Variants in KCNK15 observed in about 807,000 individuals in gnomAD.
The protein encoded by KCNK15 is potassium channel subfamily K member 15.
KCNK15 carries 9 observed loss-of-function variants against 8.5 expected under a neutral mutation model. The observed-to-expected ratio is 1.06, with a 90% confidence interval of 0.64 to 1.85. The LOEUF (loss-of-function observed/expected upper bound fraction) is 1.85, where lower values mean the gene tolerates loss of function less well. Ranked by LOEUF, KCNK15 falls within the 40% of genes most tolerant of loss-of-function variation. The probability of loss-of-function intolerance (pLI) is 0.00; values close to 1 mark genes in which losing one functional copy is unlikely to be tolerated. For synonymous variants in KCNK15, 224 were observed against 232.7 expected, an observed-to-expected ratio of 0.96 and a Z score of 0.34; for missense variants, 467 against 476.8, an observed-to-expected ratio of 0.98 and a Z score of 0.19.
At position 44,748,991 on chromosome 20, in the gene KCNK15, T is replaced by C. The variant is rs115735343; in HGVS notation, c.284-1138T>C. 7.5e-4 allele frequency among the ~76,000 whole-genome samples: 115 copies of C among 152,348 alleles called. 1 individual carries two copies. The Middle Eastern group carries it at 0.01, about 14-fold the overall frequency. On this transcript the variant is annotated intron_variant, in intron 1 of 1. Coordinates refer to ENST00000372861, the MANE Select transcript of KCNK15 (RefSeq NM_022358.4). ...CCATGGTTTGGATGGCACTATAATTTATTTAACCAGGCCCCTTTGGATGGA... is the reference window on the plus strand; with the variant it reads ...CCATGGTTTGGATGGCACTATAATTCATTTAACCAGGCCCCTTTGGATGGA...
rs751135366 is a variant in KCNK15 at position 44,750,342 on chromosome 20, C to G, written c.497C>G (p.Ala166Gly). The G allele has an allele frequency of 1.9e-6, 3 of 1,611,910 alleles. No homozygotes were observed. In the South Asian group the frequency reaches 3.3e-5, roughly 18 times the overall value. The change falls in exon 2 of 2, where the codon GCG (alanine) becomes GGG (glycine). Residue 166 changes from alanine (A) to glycine (G), a missense_variant. By Grantham distance (60) the Ala-to-Gly change is moderately conservative (BLOSUM62 0). Coordinates refer to ENST00000372861, the MANE Select transcript of KCNK15 (RefSeq NM_022358.4). ...AACCTGGTGGTGGCCGGGCTGCTGG[C>G]GTGTGCCGCCACCCTGGCCCTCGGG... ...TENLVVAGLL[A>G]CAATLALGAV...
At chr20:44,747,965 G>C (rs1413616779) in intron 1 of KCNK15, among the ~76,000 whole-genome samples, 5 of 152,144 alleles carry the variant, frequency 3.3e-5, no homozygotes, top group Admixed American at 6.5e-5. Flanking sequence ...GTGGCCTTTG[G>C]GCAGTTTTGT....
Position 44,750,877 on chromosome 20 carries a change from G to C in KCNK15, c.*39G>C. ...GCCAGGGTCGAATCTGGAATGGGAG[G>C]GTCTGGCTTCAGCTATCAGGGCACC... On this transcript the variant is annotated 3_prime_UTR_variant, in exon 2 of 2. Transcript: ENST00000372861. 7.7e-7 allele frequency: 1 copy of C among 1,294,236 alleles called. No homozygotes were observed. The allele number at this position is 1,294,236 out of a possible 1,614,324, so 80.2% of individuals were successfully genotyped here.
intron 1 of KCNK15, among the ~76,000 whole-genome samples, chr20:44,747,924 T>C (rs1225443118): frequency 2.0e-5 from 3 of 151,934 alleles, no homozygotes; most frequent in African/African-American, 7.3e-5. Context: ...AGCTCAGGCC[T>C]GTGGAGGGTG....
At chr20:44,747,528 G>C (rs1402679863) in intron 1 of KCNK15, among the ~76,000 whole-genome samples, 2 of 152,216 alleles carry the variant, frequency 1.3e-5, no homozygotes, top group Non-Finnish European at 2.9e-5. Context: ...CCACTGGTCT[G>C]GGATGCCATC....
rs770565509 is a variant in KCNK15 at position 44,746,143 on chromosome 20, G to A, written c.233G>A (p.Trp78Ter). 7.0e-7 allele frequency: 1 copy of A among 1,421,362 alleles called. No individual in the cohort carries two copies. Among genetic ancestry groups the A allele is most frequent in the South Asian group, 1.5e-5 (1 of 65,064 alleles). 88.0% of individuals were successfully genotyped at this position (1,421,362 alleles called of 1,614,324 possible). A position where few individuals can be genotyped will look rare whatever the true frequency, so the allele number is the denominator to read the frequency against. Residue 78 changes from tryptophan to a stop codon, truncating the protein, a stop_gained, in exon 1 of 2, where the codon TGG becomes TAG. Coordinates refer to ENST00000372861, the MANE Select transcript of KCNK15 (RefSeq NM_022358.4). LOFTEE classifies it low-confidence loss of function (END_TRUNC). ...QAEPHRAGRQ[W>*]KFPGSFYFAI... ...GAGCCCCACCGCGCCGGCCGCCAGT[G>A]GAAGTTCCCCGGCTCCTTCTACTTC...
rs751209081 is a variant in KCNK15 at position 44,746,080 on chromosome 20, AGG to A, written c.171_172del (p.Asp58LeufsTer12). ...CGGAGGAAGTTCGGCTTCTCGGCCG[AGG>A]ACTACCGCGAGCTGGAGCGCCTGGC... On this transcript the variant is annotated frameshift_variant, in exon 1 of 2. Coordinates refer to ENST00000372861, the MANE Select transcript of KCNK15 (RefSeq NM_022358.4). LOFTEE classifies it high-confidence loss of function. 551 of 1,545,652 alleles carry A rather than the reference AGG, an allele frequency of 3.6e-4. No homozygotes were observed. Among genetic ancestry groups the A allele is most frequent in the Non-Finnish European group, 4.5e-4 (518 of 1,144,266 alleles).
At position 44,745,915 on chromosome 20, in the gene KCNK15, G is replaced by A. The variant is rs761397260; in HGVS notation, c.5G>A (p.Arg2Gln). 9 of 1,318,178 alleles carry A rather than the reference G, an allele frequency of 6.8e-6. No individual in the cohort carries two copies. Among genetic ancestry groups the A allele is most frequent in the South Asian group, 4.6e-5 (2 of 43,034 alleles). The allele number at this position is 1,318,178 out of a possible 1,614,324, so 81.7% of individuals were successfully genotyped here. A position where few individuals can be genotyped will look rare whatever the true frequency, so the allele number is the denominator to read the frequency against. MRRPSVRAAGLV... is the reference protein window; with the variant it reads MQRPSVRAAGLV... ...GGGTACCGGGGCCGGGGCGCCATGC[G>A]GAGGCCGAGCGTGCGCGCGGCCGGG... The change falls in exon 1 of 2, where the codon CGG (arginine) becomes CAG (glutamine). Residue 2 changes from arginine (R) to glutamine (Q), a missense_variant. Arg to Gln is a conservative substitution (Grantham distance 43). Around this residue, in one of 2 missense-constraint regions of KCNK15, gnomAD observed 12 missense variants for 35.6 expected, o/e 0.34. Coordinates refer to ENST00000372861, the MANE Select transcript of KCNK15 (RefSeq NM_022358.4).
chr20:44,750,695 G>A lies in KCNK15; in HGVS notation c.850G>A (p.Val284Met). The change falls in exon 2 of 2, where the codon GTG becomes ATG. Residue 284 changes from valine to methionine, a missense_variant. Physicochemically the swap from Val to Met is conservative, Grantham distance 21 (BLOSUM62 1). Transcript: ENST00000372861. ...LWLPRRPARSVGSASVFCHVH... is the reference protein window; with the variant it reads ...LWLPRRPARSMGSASVFCHVH... ...GCTGCCCCGCCGCCCGGCCCGCTCCGTGGGCTCCGCCTCTGTCTTCTGCCA... is the reference window on the plus strand; with the variant it reads ...GCTGCCCCGCCGCCCGGCCCGCTCCATGGGCTCCGCCTCTGTCTTCTGCCA... 1.3e-6 allele frequency: 2 copies of A among 1,495,648 alleles called. No individual in the cohort carries two copies. Among genetic ancestry groups the A allele is most frequent in the Non-Finnish European group, 1.8e-6 (2 of 1,129,734 alleles). 92.6% of individuals were successfully genotyped at this position (1,495,648 alleles called of 1,614,324 possible).
Position 44,750,225 on chromosome 20 carries a change from G to A in KCNK15, c.380G>A (p.Ser127Asn). The A allele has an allele frequency of 6.2e-7, 1 of 1,609,234 alleles. No individual in the cohort carries two copies. The highest frequency in any genetic ancestry group is 8.5e-7 in the Non-Finnish European group (1 of 1,178,322). Residue 127 changes from serine to asparagine, a missense_variant, in exon 2 of 2, where the codon AGC becomes AAC. This residue lies in a region of KCNK15 where 455 missense variants were observed against 441.2 expected (regional missense o/e 1.03). Coordinates refer to ENST00000372861, the MANE Select transcript of KCNK15 (RefSeq NM_022358.4). ...CCGCTGACGCTGGTCACTTTCCAGAGCCTGGGCGAACGGCTGAACGCGGTG... is the reference window on the plus strand; with the variant it reads ...CCGCTGACGCTGGTCACTTTCCAGAACCTGGGCGAACGGCTGAACGCGGTG... ...GIPLTLVTFQ[S>N]LGERLNAVVR...
chr20:44,750,228 T>C lies in KCNK15; in HGVS notation c.383T>C (p.Leu128Pro), dbSNP rs530172451. The change falls in exon 2 of 2, where the codon CTG becomes CCG. Residue 128 changes from leucine (L) to proline (P), a missense_variant. Physicochemically the swap from Leu to Pro is moderately conservative, Grantham distance 98 (BLOSUM62 -3). This residue lies in a region of KCNK15 where 455 missense variants were observed against 441.2 expected (regional missense o/e 1.03). Coordinates refer to ENST00000372861, the MANE Select transcript of KCNK15 (RefSeq NM_022358.4). ...IPLTLVTFQS[L>P]GERLNAVVRR... ...CTGACGCTGGTCACTTTCCAGAGCC[T>C]GGGCGAACGGCTGAACGCGGTGGTG... The C allele has an allele frequency of 2.2e-5, 36 of 1,611,706 alleles. No homozygotes were observed. The South Asian group carries it at 4.0e-4, about 18-fold the overall frequency.
At chr20:44,748,522 C>G (rs2066016408) in intron 1 of KCNK15, among the ~76,000 whole-genome samples, 2 of 152,204 alleles carry the variant, frequency 1.3e-5, no homozygotes, top group East Asian at 1.9e-4. Context: ...CTCCCTCCCA[C>G]CCTGTCTCTC....
At chr20:44,748,239 GCTTC>G (rs2066015587) in intron 1 of KCNK15, among the ~76,000 whole-genome samples, 1 of 152,074 alleles carries the variant, frequency 6.6e-6, no homozygotes, top group South Asian at 2.1e-4. Flanking sequence ...CTCTCATTGA[GCTTC>G]TGGTCTACGT....
At chr20:44,746,658 A>T (rs373935777) in intron 1 of KCNK15, 1 of 155,836 alleles carries the variant, frequency 6.4e-6, no homozygotes, top group Non-Finnish European at 1.4e-5. Flanking sequence ...GGTGAGAGTT[A>T]TTATTCAGGA....
chr20:44,750,892 A>C lies in KCNK15; in HGVS notation c.*54A>C, dbSNP rs2066028972. On this transcript the variant is annotated 3_prime_UTR_variant, in exon 2 of 2. Transcript: ENST00000372861. ...GGAATGGGAGGGTCTGGCTTCAGCT[A>C]TCAGGGCACCCTCCCCAGGGATTGG... 8.3e-7 allele frequency: 1 copy of C among 1,203,704 alleles called. No homozygotes were observed. Among genetic ancestry groups the C allele is most frequent in the Non-Finnish European group, 1.1e-6 (1 of 930,574 alleles). 74.6% of individuals were successfully genotyped at this position (1,203,704 alleles called of 1,614,324 possible).
intron 1 of KCNK15, among the ~76,000 whole-genome samples, chr20:44,749,599 T>C (rs2145435724): frequency 6.6e-6 from 1 of 152,240 alleles, no homozygotes; most frequent in East Asian, 1.9e-4. Context: ...CATTTTCCTG[T>C]GTACACTCCT....
At chr20:44,749,409 C>T (rs1477031050) in intron 1 of KCNK15, among the ~76,000 whole-genome samples, 13 of 152,122 alleles carry the variant, frequency 8.5e-5, no homozygotes, top group Non-Finnish European at 1.5e-5. Flanking sequence ...CCACGCCAGA[C>T]AATCAGAACC....
rs183287561 is a variant in KCNK15, at chr20:44,746,129, C to T, written c.219C>T (p.Arg73=). The part of the protein sequence containing the change: ...ERLALQAEPH[R]AGRQWKFPGS... ...TGGCGCTCCAGGCTGAGCCCCACCG[C>T]GCCGGCCGCCAGTGGAAGTTCCCCG... Residue 73 remains arginine (R), a synonymous_variant, in exon 1 of 2, where the codon CGC becomes CGT. Coordinates refer to ENST00000372861, the MANE Select transcript of KCNK15 (RefSeq NM_022358.4). 8,542 of 1,430,804 alleles carry T rather than the reference C, an allele frequency of 6.0e-3. 44 individuals are homozygous for T. The highest frequency in any genetic ancestry group is 6.9e-3 in the Non-Finnish European group (7,478 of 1,085,356). The allele number at this position is 1,430,804 out of a possible 1,614,324, so 88.6% of individuals were successfully genotyped here.
At position 44,745,903 on chromosome 20, in the gene KCNK15, G is replaced by T. The variant is rs1160051106; in HGVS notation, c.-8G>T. On this transcript the variant is annotated 5_prime_UTR_variant, in exon 1 of 2. Coordinates refer to ENST00000372861, the MANE Select transcript of KCNK15 (RefSeq NM_022358.4). ...TGGGACCGCGGCGGGTACCGGGGCC[G>T]GGGCGCCATGCGGAGGCCGAGCGTG... The T allele has an allele frequency of 3.8e-6, 5 of 1,299,252 alleles. No individual in the cohort carries two copies. In the East Asian group the frequency reaches 1.2e-4, roughly 31 times the overall value. 80.5% of individuals were successfully genotyped at this position (1,299,252 alleles called of 1,614,324 possible). A position where few individuals can be genotyped will look rare whatever the true frequency, so the allele number is the denominator to read the frequency against.
Sources: gnomAD v4.1 joint callset for allele counts (sites outside exome capture counted in the v4.1 genomes callset) on GRCh38, gnomAD v4.1.1 for gene constraint, gnomAD v4.1.1 regional missense constraint, MANE v1.5 for transcripts, NCBI Gene and HGNC (gene_info 2026-07-23, HGNC 2026-07-21) for gene names.